YWHAQ: variants seen among roughly 807,000 people sequenced by gnomAD.
YWHAQ encodes the protein tyrosine 3-monooxygenase/tryptophan 5-monooxygenase activation protein theta, also known as 14-3-3 protein theta.
Under a neutral mutation model 28.3 loss-of-function variants are expected in YWHAQ, and 6 were observed. That is an observed-to-expected ratio of 0.21 (90% CI 0.12 to 0.42). YWHAQ has a LOEUF of 0.42. YWHAQ is among the 10% of genes least tolerant of loss of function. The probability of loss-of-function intolerance (pLI) is 1.00; values close to 1 mark genes in which losing one functional copy is unlikely to be tolerated. For synonymous variants in YWHAQ, 143 were observed against 119.1 expected (o/e 1.20, Z -1.31); for missense variants, 201 against 305.6 (o/e 0.66, Z 2.55).
chr2:9,598,708 C>T (rs1366054552), intron 2 of YWHAQ, among the ~76,000 whole-genome samples: 7 of 152,116 alleles, frequency 4.6e-5, no homozygotes, highest in African/African-American at 1.2e-4. Context: ...TAAACTTAAT[C>T]GATATATGCT....
At chr2:9,587,179 T>A (rs1382995547) in intron 5 of YWHAQ, among the ~76,000 whole-genome samples, 1 of 152,198 alleles carries the variant, frequency 6.6e-6, no homozygotes, top group Admixed American at 6.5e-5. Flanking sequence ...CCCAATGAAA[T>A]AGTAATATTA....
chr2:9,607,957 C>G (rs1177362005), intron 2 of YWHAQ, among the ~76,000 whole-genome samples: 3 of 152,092 alleles, frequency 2.0e-5, no homozygotes, highest in Non-Finnish European at 4.4e-5. Context: ...ATCCGCCCAC[C>G]TCAGCCTCCC....
In YWHAQ at chr2:9,630,425, C is replaced by T. The variant is rs1335699369; in HGVS notation, c.28G>A (p.Ala10Thr). Residue 10 changes from alanine (A) to threonine (T), a missense_variant, in exon 2 of 6, where the codon GCC (alanine) becomes ACC (threonine). Physicochemically the swap from Ala to Thr is moderately conservative, Grantham distance 58. Around this residue, in one of 2 missense-constraint regions of YWHAQ, gnomAD observed 162 missense variants for 213.9 expected, o/e 0.76. Coordinates refer to ENST00000238081, the MANE Select transcript of YWHAQ (RefSeq NM_006826.4). This position sits in a 1 kb window ranked among gnomAD's most constrained non-coding sequence, Gnocchi z 5.6. Reference protein sequence around the residue: MEKTELIQKAKLAEQAERYD... With the variant: MEKTELIQKTKLAEQAERYD... The stretch of plus-strand genomic sequence containing the variant: ...CGCTCGGCCTGCTCGGCCAGCTTGG[C>T]CTTCTGGATCAGCTCAGTCTTCTCC... 3 of 1,611,620 alleles carry T rather than the reference C, an allele frequency of 1.9e-6. No homozygotes were observed.
chr2:9,616,273 T>C (rs1279684718), intron 2 of YWHAQ, among the ~76,000 whole-genome samples: 1 of 152,052 alleles, frequency 6.6e-6, no homozygotes, highest in African/African-American at 2.4e-5. Flanking sequence ...TGCAAAAGAA[T>C]AAAATTGGAC....
At chr2:9,596,518 TAAG>T (rs1666573478) in intron 2 of YWHAQ, among the ~76,000 whole-genome samples, 1 of 152,166 alleles carries the variant, frequency 6.6e-6, no homozygotes, top group Non-Finnish European at 1.5e-5. Context: ...AAAAATGTTC[TAAG>T]AAGTTTCATT....
intron 2 of YWHAQ, among the ~76,000 whole-genome samples, chr2:9,616,255 T>C (rs1218705338): frequency 6.6e-6 from 1 of 152,158 alleles, no homozygotes; most frequent in Non-Finnish European, 1.5e-5. Flanking sequence ...GGCAATTGGA[T>C]ATCCACATGC....
chr2:9,597,317 C>T (rs1461805528), intron 2 of YWHAQ, among the ~76,000 whole-genome samples: 1 of 152,130 alleles, frequency 6.6e-6, no homozygotes, highest in East Asian at 1.9e-4. Context: ...ATGCATTAAA[C>T]AGTCAAGTGT....
chr2:9,588,761 ACT>A (rs1275262482), intron 3 of YWHAQ, among the ~76,000 whole-genome samples: 2 of 151,902 alleles, frequency 1.3e-5, no homozygotes, highest in African/African-American at 2.4e-5. Flanking sequence ...ACAGAACGAT[ACT>A]CTGTGTCAAA....
At chr2:9,629,464 G>A (rs1667311166) in intron 2 of YWHAQ, among the ~76,000 whole-genome samples, 1 of 152,146 alleles carries the variant, frequency 6.6e-6, no homozygotes, top group African/African-American at 2.4e-5. Flanking sequence ...TTCAAAACCT[G>A]GAAAGCTTTC....
chr2:9,585,169 C>A lies in YWHAQ; in HGVS notation c.*117G>T. 1 of 1,122,374 alleles carries A rather than the reference C, an allele frequency of 8.9e-7. No homozygotes were observed. Among genetic ancestry groups the A allele is most frequent in the Non-Finnish European group, 1.3e-6 (1 of 759,034 alleles). 69.5% of individuals were successfully genotyped at this position (1,122,374 alleles called of 1,614,324 possible). On this transcript the variant is annotated 3_prime_UTR_variant, in exon 6 of 6. Transcript: ENST00000238081. Reference sequence around the variant, plus strand: ...AGCTGCAGTGTGAAAAGACTATAAACAGTTGATTCCATACACATGAATGGG... The same window carrying A: ...AGCTGCAGTGTGAAAAGACTATAAAAAGTTGATTCCATACACATGAATGGG...
chr2:9,585,352 AAAG>A lies in YWHAQ; in HGVS notation c.679-10_679-8del. 6.2e-7 allele frequency: 1 copy of A among 1,614,080 alleles called. No homozygotes were observed. The stretch of plus-strand genomic sequence containing the variant: ...CACTGTCTGATGTCCAAAGCTAGAA[AAAG>A]AAGAATCATATTAAGTTACTATTTC... On this transcript the variant is annotated splice_polypyrimidine_tract_variant and splice_region_variant and intron_variant, in intron 5 of 5. Coordinates refer to ENST00000238081, the MANE Select transcript of YWHAQ (RefSeq NM_006826.4).
At chr2:9,600,904 A>G (rs913450741) in intron 2 of YWHAQ, among the ~76,000 whole-genome samples, 9 of 152,174 alleles carry the variant, frequency 5.9e-5, no homozygotes, top group Non-Finnish European at 1.0e-4. Flanking sequence ...ATTTCTTGGC[A>G]ATTAAGTATT....
chr2:9,611,093 C>T (rs1459402978), intron 2 of YWHAQ, among the ~76,000 whole-genome samples: 1 of 152,176 alleles, frequency 6.6e-6, no homozygotes, highest in Admixed American at 6.5e-5. Context: ...TTTAGAGCCA[C>T]TGAAAGAAAA....
chr2:9,612,383 C>G (rs1666965486), intron 2 of YWHAQ, among the ~76,000 whole-genome samples: 1 of 152,206 alleles, frequency 6.6e-6, no homozygotes, highest in Admixed American at 6.5e-5. Flanking sequence ...TCTGCAGACT[C>G]AAGGTCCTGC....
intron 2 of YWHAQ, among the ~76,000 whole-genome samples, chr2:9,609,628 CA>C (rs1666906110): frequency 6.6e-6 from 1 of 151,790 alleles, no homozygotes. Flanking sequence ...TGCAGAATGC[CA>C]AAGACAAGAA....
chr2:9,630,952 C>G lies in YWHAQ; in HGVS notation c.-94G>C, dbSNP rs1038971696. 1 of 152,726 alleles carries G rather than the reference C, an allele frequency of 6.5e-6. No homozygotes were observed. The highest frequency in any genetic ancestry group is 1.9e-4 in the East Asian group (1 of 5,162). 9.5% of individuals were successfully genotyped at this position (152,726 alleles called of 1,614,324 possible). A position where few individuals can be genotyped will look rare whatever the true frequency, so the allele number is the denominator to read the frequency against. On this transcript the variant is annotated 5_prime_UTR_variant, in exon 1 of 6. Transcript: ENST00000238081. This position sits in a 1 kb window ranked among gnomAD's most constrained non-coding sequence, Gnocchi z 5.6. ...ACCCAGGCGCTCACCTTCACGTCTC[C>G]GCGGCCGCGACGCGAGTCCCACCAC...
chr2:9,630,256 T>A lies in YWHAQ; in HGVS notation c.197A>T (p.Glu66Val). Residue 66 changes from glutamate to valine, a missense_variant, in exon 2 of 6, where the codon GAG becomes GTG. Physicochemically the swap from Glu to Val is moderately radical, Grantham distance 121. Coordinates refer to ENST00000238081, the MANE Select transcript of YWHAQ (RefSeq NM_006826.4). This position sits in a 1 kb window ranked among gnomAD's most constrained non-coding sequence, Gnocchi z 5.6. Reference protein sequence around the residue: ...RSAWRVISSIEQKTDTSDKKL... With the variant: ...RSAWRVISSIVQKTDTSDKKL... ...CTTGTCGGAGGTGTCGGTCTTCTGC[T>A]CGATGCTAGAGATGACCCTCCAGGC... 1.2e-6 allele frequency: 2 copies of A among 1,614,168 alleles called. No homozygotes were observed. The highest frequency in any genetic ancestry group is 1.7e-6 in the Non-Finnish European group (2 of 1,180,042).
At chr2:9,587,237 A>G (rs573386831) in intron 5 of YWHAQ, among the ~76,000 whole-genome samples, 177 bp downstream of exon 5, 1 of 152,302 alleles carries the variant, frequency 6.6e-6, no homozygotes, top group African/African-American at 2.4e-5. Flanking sequence ...GGTCTGATAA[A>G]ATGCCTATTC....
In YWHAQ at chr2:9,588,245, G is replaced by A. The variant is rs777288889; in HGVS notation, c.502C>T (p.Leu168=). 1.2e-6 allele frequency: 2 copies of A among 1,608,388 alleles called. No individual in the cohort carries two copies. Among genetic ancestry groups the A allele is most frequent in the African/African-American group, 1.3e-5 (1 of 74,472 alleles). Residue 168 remains leucine (L), a synonymous_variant, in exon 4 of 6, where the codon CTG becomes TTG. Transcript: ENST00000238081. ...ACAGAAAAGTTAAGAGCAAGCCCCA[G>A]GCGGATTGGGTGTGTGGGTTGCATC... is the stretch of plus-strand genomic sequence containing the variant. ...KEMQPTHPIR[L]GLALNFSVFY...
Sources: allele counts gnomAD v4.1 joint callset (sites outside exome capture counted in the v4.1 genomes callset), GRCh38; gene constraint gnomAD v4.1.1; regional missense constraint gnomAD v4.1.1; non-coding constraint Gnocchi (gnomAD v3.1); transcripts MANE v1.5; gene names NCBI Gene and HGNC (gene_info 2026-07-23, HGNC 2026-07-21).